The following COG2 variants were observed in gnomAD, a reference collection of about 807,000 sequenced individuals.
COG2 encodes component of oligomeric golgi complex 2, also known as conserved oligomeric Golgi complex subunit 2.
A neutral mutation model predicts 90.6 loss-of-function variants in COG2; 52 were observed. The observed-to-expected ratio is 0.57, with a 90% CI of 0.46 to 0.72. The LOEUF (loss-of-function observed/expected upper bound fraction) is 0.72. Among genes scored for constraint, COG2 ranks in the 30% least tolerant of loss-of-function variants. The pLI is 0.00. For missense variants in COG2, 829 were observed against 891.2 expected, an observed-to-expected ratio of 0.93 and a Z score of 0.89; for synonymous variants, 337 against 320.4, an observed-to-expected ratio of 1.05 and a Z score of -0.55.
chr1:230,654,823 GT>G (rs1282582852), intron 1 of COG2, among the ~76,000 whole-genome samples: 2 of 152,160 alleles, frequency 1.3e-5, no homozygotes, highest in Non-Finnish European at 2.9e-5. Flanking sequence ...TCCCTTGTAA[GT>G]TGTATTCCTA....
chr1:230,679,062 C>A lies in COG2; in HGVS notation c.1166+10C>A. 1 of 1,610,126 alleles carries A rather than the reference C, an allele frequency of 6.2e-7. No homozygotes were observed. On this transcript the variant is annotated intron_variant, in intron 10 of 17. Transcript: ENST00000366669. Reference sequence around the variant, plus strand: ...TTTATTTTCAAATAAGGTTGGTCATCTATTCACCGCCCCCGCCCCGCACCC... The same window carrying A: ...TTTATTTTCAAATAAGGTTGGTCATATATTCACCGCCCCCGCCCCGCACCC...
chr1:230,652,475 C>A (rs1220021464), intron 1 of COG2, among the ~76,000 whole-genome samples: 3 of 152,170 alleles, frequency 2.0e-5, no homozygotes, highest in Non-Finnish European at 1.5e-5. Flanking sequence ...ATCATATTTG[C>A]TTCCAAGTTT....
At chr1:230,658,047 A>G (rs549684289) in intron 1 of COG2, among the ~76,000 whole-genome samples, 1 of 152,138 alleles carries the variant, frequency 6.6e-6, no homozygotes, top group Admixed American at 6.5e-5. Context: ...GTTATTACCC[A>G]CCTTCCAAAG....
intron 1 of COG2, among the ~76,000 whole-genome samples, chr1:230,643,782 C>T (rs1485683666): frequency 1.3e-5 from 2 of 152,052 alleles, no homozygotes; most frequent in Non-Finnish European, 2.9e-5. Flanking sequence ...GACCACTGTA[C>T]TAAAAGGTGT....
chr1:230,675,467 C>T lies in COG2; in HGVS notation c.1026+343C>T, dbSNP rs1020706550. On this transcript the variant is annotated intron_variant, in intron 9 of 17. Coordinates refer to ENST00000366669, the MANE Select transcript of COG2 (RefSeq NM_007357.3). ...TTTTCTGTGAAAAATTAAGTTTGTA[C>T]ATCTCTGCCATATAATTTTGAATGA... 8.5e-5 allele frequency among the ~76,000 whole-genome samples: 13 copies of T among 152,100 alleles called. No homozygotes were observed. In the South Asian group the frequency reaches 2.7e-3, roughly 32 times the overall value.
intron 17 of COG2, among the ~76,000 whole-genome samples, chr1:230,692,680 C>T (rs1179614569): frequency 6.6e-6 from 1 of 152,072 alleles, no homozygotes; most frequent in East Asian, 1.9e-4. Flanking sequence ...CAGAACAAAC[C>T]ACAAAATGCT....
rs562999787 is a variant in COG2 at position 230,662,350 on chromosome 1, A to G, written c.301-791A>G. Among the ~76,000 whole-genome samples, 7 of 152,344 alleles carry G rather than the reference A, an allele frequency of 4.6e-5. No individual in the cohort carries two copies. The South Asian group carries it at 1.5e-3, about 32-fold the overall frequency. ...CCATTGCATCCTCATTGGCTTGCAC[A>G]ATAGCTGGCATTTAATAGGTATTTT... On this transcript the variant is annotated intron_variant, in intron 3 of 17. Transcript: ENST00000366669.
At chr1:230,650,390 G>T (rs1162987341) in intron 1 of COG2, among the ~76,000 whole-genome samples, 1 of 152,080 alleles carries the variant, frequency 6.6e-6, no homozygotes, top group Non-Finnish European at 1.5e-5. Context: ...TTTAATAAAA[G>T]CTGTTCTGAT....
rs1571956726 is a variant in COG2, at chr1:230,676,135, A to T, written c.1026+1011A>T. ...AGTTTTTGGTTTCTTATGCAGTGAG[A>T]TAATCTTTGTCTTTTAATTAGGTAC... On this transcript the variant is annotated intron_variant, in intron 9 of 17. Transcript: ENST00000366669. Among the ~76,000 whole-genome samples, 7 of 152,208 alleles carry T rather than the reference A, an allele frequency of 4.6e-5. 2 individuals carry two copies. The highest frequency in any genetic ancestry group is 4.6e-4 in the Admixed American group (7 of 15,282).
At chr1:230,678,476 A>G in intron 9 of COG2, 1 of 985,350 alleles carries the variant, frequency 1.0e-6, no homozygotes, top group Non-Finnish European at 1.2e-6. Flanking sequence ...TTATTTATAA[A>G]AATGAAGTGA....
At chr1:230,653,214 A>ATT (rs1326769323) in intron 1 of COG2, among the ~76,000 whole-genome samples, 1 of 141,998 alleles carries the variant, frequency 7.0e-6, no homozygotes, top group African/African-American at 2.6e-5. Context: ...TTTATTTTTC[A>ATT]TTTTTTGTTT....
At chr1:230,678,352 G>T in intron 9 of COG2, 1 of 985,414 alleles carries the variant, frequency 1.0e-6, no homozygotes, top group Non-Finnish European at 1.2e-6. Flanking sequence ...GGGTCGTTTT[G>T]TGGGTTAAAT....
Position 230,686,925 on chromosome 1 carries a change from C to A in COG2, c.1381-10C>A. 6.7e-7 allele frequency: 1 copy of A among 1,501,452 alleles called. No individual in the cohort carries two copies. Among genetic ancestry groups the A allele is most frequent in the South Asian group, 1.4e-5 (1 of 70,326 alleles). 93.0% of individuals were successfully genotyped at this position (1,501,452 alleles called of 1,614,324 possible). A position where few individuals can be genotyped will look rare whatever the true frequency, so the allele number is the denominator to read the frequency against. Reference sequence around the variant, plus strand: ...TGTGAAAGTAGTTAATCAGTGAAATCCTTTTTCAGCTTTCACTCAGGCCCA... The same window carrying A: ...TGTGAAAGTAGTTAATCAGTGAAATACTTTTTCAGCTTTCACTCAGGCCCA... On this transcript the variant is annotated splice_polypyrimidine_tract_variant and intron_variant, in intron 12 of 17. Transcript: ENST00000366669.
intron 16 of COG2, 33 bp downstream of exon 16, chr1:230,690,186 T>C: frequency 1.9e-6 from 3 of 1,600,588 alleles, no homozygotes; most frequent in Non-Finnish European, 2.6e-6. Flanking sequence ...TTGTGGGCCT[T>C]GCTTAGAAGA....
chr1:230,691,401 C>T lies in COG2; in HGVS notation c.1952C>T (p.Ser651Leu), dbSNP rs1245232947. 1.2e-6 allele frequency: 2 copies of T among 1,613,022 alleles called. No individual in the cohort carries two copies. The highest frequency in any genetic ancestry group is 1.3e-5 in the African/African-American group (1 of 74,794). The change falls in exon 17 of 18, where the codon TCA (serine) becomes TTA (leucine). Residue 651 changes from serine (S) to leucine (L), a missense_variant. By Grantham distance (145) the Ser-to-Leu change is moderately radical. Coordinates refer to ENST00000366669, the MANE Select transcript of COG2 (RefSeq NM_007357.3). ...ESTHKYYETV[S>L]DVLNSVKKME... ...TATTCAAGGTACTATGAAACCGTGT[C>T]AGATGTATTAAACTCTGTGAAGAAG...
chr1:230,662,798 C>T (rs963676923), intron 3 of COG2, among the ~76,000 whole-genome samples: 4 of 152,172 alleles, frequency 2.6e-5, no homozygotes, highest in Admixed American at 1.3e-4. Flanking sequence ...CGCTTGTCAG[C>T]ATCCACAAAT....
intron 15 of COG2, among the ~76,000 whole-genome samples, chr1:230,689,425 T>C (rs1039061572): frequency 6.6e-6 from 1 of 152,254 alleles, no homozygotes; most frequent in Non-Finnish European, 1.5e-5. Flanking sequence ...GAGTTTGTTA[T>C]GGGTCATTCA....
Position 230,688,461 on chromosome 1 carries a change from C to A in COG2, c.1693C>A (p.Pro565Thr). ...CCAGAGCTCTTTTTCAGCCTGTGTG[C>A]CCTCCTTGAGTAGCAAGATCATCCA... ...DSQSSFSACV[P>T]SLSSKIIQDL... The change falls in exon 15 of 18, where the codon CCC (proline) becomes ACC (threonine). Residue 565 changes from proline to threonine, a missense_variant. By Grantham distance (38) the Pro-to-Thr change is conservative. Coordinates refer to ENST00000366669, the MANE Select transcript of COG2 (RefSeq NM_007357.3). 1 of 1,614,010 alleles carries A rather than the reference C, an allele frequency of 6.2e-7. No individual in the cohort carries two copies. Among genetic ancestry groups the A allele is most frequent in the Non-Finnish European group, 8.5e-7 (1 of 1,179,988 alleles).
chr1:230,671,626 A>AG lies in COG2; in HGVS notation c.887dup (p.Ala297CysfsTer5). ...GCCGCCTTCTTCGAGAAGTCACAGG[A>AG]GGTGCCATCTCCAGGTAATTTAAAC... On this transcript the variant is annotated frameshift_variant, in exon 8 of 18. Coordinates refer to ENST00000366669, the MANE Select transcript of COG2 (RefSeq NM_007357.3). LOFTEE classifies it high-confidence loss of function. 6.2e-7 allele frequency: 1 copy of AG among 1,613,626 alleles called. No individual in the cohort carries two copies. The highest frequency in any genetic ancestry group is 8.5e-7 in the Non-Finnish European group (1 of 1,179,706).
Sources: allele counts gnomAD v4.1 joint callset (sites outside exome capture counted in the v4.1 genomes callset), GRCh38; gene constraint gnomAD v4.1.1; transcripts MANE v1.5; gene names NCBI Gene and HGNC (gene_info 2026-07-23, HGNC 2026-07-21).